DIMT1: variants seen among roughly 807,000 people sequenced by gnomAD.
DIMT1 encodes the protein DIM1 rRNA methyltransferase and ribosome maturation factor.
In DIMT1, 36 loss-of-function variants were observed where a neutral mutation model predicts 43.2. That is an observed-to-expected ratio of 0.83 (90% CI 0.64 to 1.10). The LOEUF (loss-of-function observed/expected upper bound fraction) is 1.10. Among genes scored for constraint, DIMT1 ranks in the 50% least tolerant of loss-of-function variants. The probability of loss-of-function intolerance (pLI) is 0.00; values close to 1 mark genes in which losing one functional copy is unlikely to be tolerated. For missense variants in DIMT1, 341 were observed against 385.3 expected (o/e 0.88, Z 0.96); for synonymous variants, 126 against 130.3 (o/e 0.97, Z 0.22).
intron 3 of DIMT1, among the ~76,000 whole-genome samples, chr5:62,399,118 T>G (rs1256429849): frequency 2.0e-5 from 3 of 151,160 alleles, no homozygotes; most frequent in Admixed American, 6.6e-5. Context: ...AATCATGAGG[T>G]CAGGAGTTAA....
chr5:62,399,001 C>A, intron 3 of DIMT1, 120 bp from the exon 4 acceptor site: 2 of 833,102 alleles, frequency 2.4e-6, no homozygotes, highest in Non-Finnish European at 3.8e-6. Context: ...TTTCTACCAT[C>A]AATATTCCTT....
intron 9 of DIMT1, 120 bp downstream of exon 9, chr5:62,392,806 A>C: frequency 1.8e-6 from 1 of 557,640 alleles, no homozygotes; most frequent in Non-Finnish European, 3.1e-6. Flanking sequence ...TTAAAAGGTG[A>C]AGTTTGTCTG....
At chr5:62,399,906 A>AAAACAAACAAAC (rs146632636) in intron 3 of DIMT1, among the ~76,000 whole-genome samples, 10 of 152,050 alleles carry the variant, frequency 6.6e-5, no homozygotes, top group African/African-American at 2.2e-4. Context: ...CTCCATCTCA[A>AAAACAAACAAAC]AAACAAACAA....
rs2112064094 is a variant in DIMT1 at position 62,403,890 on chromosome 5, G to C, written c.-118C>G. The C allele has an allele frequency of 5.4e-6, 6 of 1,104,520 alleles. No homozygotes were observed. The highest frequency in any genetic ancestry group is 6.4e-6 in the Non-Finnish European group (5 of 779,116). The allele number at this position is 1,104,520 out of a possible 1,614,324, so 68.4% of individuals were successfully genotyped here. ...CGCCGCCCGCACCACTCTGGCCCAA[G>C]CGCCGGAGGGGCAAGGGTCCGCCCC... On this transcript the variant is annotated 5_prime_UTR_variant, in exon 1 of 12. Transcript: ENST00000199320.
rs1461647431 is a variant in DIMT1, at chr5:62,403,289, TTAA to T, written c.134_136del (p.Ile45del). 3 of 1,613,742 alleles carry T rather than the reference TTAA, an allele frequency of 1.9e-6. No homozygotes were observed. Among genetic ancestry groups the T allele is most frequent in the East Asian group, 2.2e-5 (1 of 44,882 alleles). On this transcript the variant is annotated inframe_deletion, in exon 2 of 12. Coordinates refer to ENST00000199320, the MANE Select transcript of DIMT1 (RefSeq NM_014473.4). The stretch of plus-strand genomic sequence containing the variant: ...CACACCCACCTTATCGATAATGCTG[TTAA>T]TAATGAGAGGATTTTTCAAAATGTG...
chr5:62,396,384 C>T (rs777391314), intron 6 of DIMT1, among the ~76,000 whole-genome samples: 3 of 151,686 alleles, frequency 2.0e-5, no homozygotes, highest in African/African-American at 7.3e-5. Flanking sequence ...GGCACATGCC[C>T]GTAATCGCAG....
At chr5:62,400,052 C>T (rs558416462) in intron 3 of DIMT1, among the ~76,000 whole-genome samples, 5 of 152,246 alleles carry the variant, frequency 3.3e-5, no homozygotes, top group African/African-American at 1.2e-4. Flanking sequence ...AAATACACTA[C>T]ATGTCTCTGC....
In DIMT1 at chr5:62,390,914, G is replaced by A; in HGVS notation, c.861C>T (p.Asp287=). ...CTATGTCCATGGAACGGGCCCGTTT[G>A]TCACTAAAACCTGTGCTGGTTAGGA... ...QQILTSTGFS[D]KRARSMDIDD... Residue 287 remains aspartate, a synonymous_variant, in exon 11 of 12, where the codon GAC becomes GAT. Coordinates refer to ENST00000199320, the MANE Select transcript of DIMT1 (RefSeq NM_014473.4). 6.2e-7 allele frequency: 1 copy of A among 1,612,214 alleles called. No homozygotes were observed. Among genetic ancestry groups the A allele is most frequent in the Non-Finnish European group, 8.5e-7 (1 of 1,179,854 alleles).
rs1180814302 is a variant in DIMT1, at chr5:62,391,056, A to T, written c.793-74T>A. ...TCACCTTGACTCTTTTTTTTAGTTCAGTAAGTCATAAAATAGTCACCTTTA... is the reference window on the plus strand; with the variant it reads ...TCACCTTGACTCTTTTTTTTAGTTCTGTAAGTCATAAAATAGTCACCTTTA... On this transcript the variant is annotated intron_variant, in intron 10 of 11. Coordinates refer to ENST00000199320, the MANE Select transcript of DIMT1 (RefSeq NM_014473.4). 2.4e-6 allele frequency: 3 copies of T among 1,234,586 alleles called. No homozygotes were observed. The African/African-American group carries it at 4.5e-5, about 18-fold the overall frequency. The allele number at this position is 1,234,586 out of a possible 1,614,324, so 76.5% of individuals were successfully genotyped here. A position where few individuals can be genotyped will look rare whatever the true frequency, so the allele number is the denominator to read the frequency against.
At chr5:62,398,931 C>A (rs1211487081) in intron 3 of DIMT1, 50 bp from the exon 4 acceptor site, 6 of 1,376,662 alleles carry the variant, frequency 4.4e-6, no homozygotes, top group African/African-American at 1.5e-5. Context: ...GAATATAAAT[C>A]TTTTATTGTT....
At chr5:62,392,044 T>G (rs1561288700) in intron 10 of DIMT1, 127 bp downstream of exon 10, 3 of 1,569,574 alleles carry the variant, frequency 1.9e-6, no homozygotes, top group African/African-American at 1.4e-5. Context: ...TAGTTATACA[T>G]TATATATTGT....
At chr5:62,397,114 T>C (rs917546908) in intron 6 of DIMT1, among the ~76,000 whole-genome samples, 12 of 152,068 alleles carry the variant, frequency 7.9e-5, no homozygotes, top group African/African-American at 2.9e-4. Flanking sequence ...AATGCCCAGC[T>C]AATTTTTTTA....
Position 62,403,780 on chromosome 5 carries a change from G to C in DIMT1, c.-8C>G. On this transcript the variant is annotated 5_prime_UTR_variant, in exon 1 of 12. Coordinates refer to ENST00000199320, the MANE Select transcript of DIMT1 (RefSeq NM_014473.4). Reference sequence around the variant, plus strand: ...CGACTTGACCTTCGGCATCTCGGCAGAAAGCGGGCCCACAGGCCCGGGACG... The same window carrying C: ...CGACTTGACCTTCGGCATCTCGGCACAAAGCGGGCCCACAGGCCCGGGACG... 1 of 1,609,948 alleles carries C rather than the reference G, an allele frequency of 6.2e-7. No individual in the cohort carries two copies.
chr5:62,399,113 T>C (rs1742607129), intron 3 of DIMT1, among the ~76,000 whole-genome samples: 1 of 150,802 alleles, frequency 6.6e-6, no homozygotes, highest in Non-Finnish European at 1.5e-5. Flanking sequence ...GGGCGAATCA[T>C]GAGGTCAGGA....
At chr5:62,402,859 T>G (rs945371810) in intron 2 of DIMT1, among the ~76,000 whole-genome samples, 2 of 152,214 alleles carry the variant, frequency 1.3e-5, no homozygotes, top group African/African-American at 2.4e-5. Flanking sequence ...CCAAGCAATT[T>G]ATATGTGGTA....
In DIMT1 at chr5:62,396,139, G is replaced by GTTTTTTTTTT. The variant is rs758847833; in HGVS notation, c.447-1542_447-1533dup. ...GGGGAATTTAGCCATGTCACTGCAG[G>GTTTTTTTTTT]TTTTTTTTTTTTACATTATTAACTG... is the stretch of plus-strand genomic sequence containing the variant. On this transcript the variant is annotated intron_variant, in intron 6 of 11. Coordinates refer to ENST00000199320, the MANE Select transcript of DIMT1 (RefSeq NM_014473.4). Among the ~76,000 whole-genome samples, 107 of 116,734 alleles carry GTTTTTTTTTT rather than the reference G, an allele frequency of 9.2e-4. 9 individuals carry two copies. The highest frequency in any genetic ancestry group is 4.7e-3 in the Middle Eastern group (1 of 214). 76.6% of individuals were successfully genotyped at this position (116,734 alleles called of 152,430 possible).
Position 62,390,976 on chromosome 5 carries a change from G to A in DIMT1, c.799C>T (p.Pro267Ser). ...TTATCTGCTATGCTGAAATCTTCTG[G>A]TATTATCTATCAATATAAGATTCAG... ...IHCSVHNIII[P>S]EDFSIADKIQ... is the part of the protein sequence containing the mutation. Residue 267 changes from proline to serine, a missense_variant, in exon 11 of 12, where the codon CCA (proline) becomes TCA (serine). Physicochemically the swap from Pro to Ser is moderately conservative, Grantham distance 74. Coordinates refer to ENST00000199320, the MANE Select transcript of DIMT1 (RefSeq NM_014473.4). The A allele has an allele frequency of 9.9e-6, 16 of 1,612,108 alleles. No homozygotes were observed. The highest frequency in any genetic ancestry group is 1.3e-5 in the Non-Finnish European group (15 of 1,178,628).
At position 62,403,897 on chromosome 5, in the gene DIMT1, A is replaced by T; in HGVS notation, c.-125T>A. 1.0e-6 allele frequency: 1 copy of T among 1,002,490 alleles called. No homozygotes were observed. Among genetic ancestry groups the T allele is most frequent in the South Asian group, 1.6e-5 (1 of 61,806 alleles). 62.1% of individuals were successfully genotyped at this position (1,002,490 alleles called of 1,614,324 possible). A position where few individuals can be genotyped will look rare whatever the true frequency, so the allele number is the denominator to read the frequency against. ...CGCACCACTCTGGCCCAAGCGCCGG[A>T]GGGGCAAGGGTCCGCCCCCTCCCGT... On this transcript the variant is annotated 5_prime_UTR_variant, in exon 1 of 12. Coordinates refer to ENST00000199320, the MANE Select transcript of DIMT1 (RefSeq NM_014473.4).
Position 62,392,971 on chromosome 5 carries a change from C to T in DIMT1, c.683G>A (p.Arg228Lys), listed in dbSNP as rs778310826. The part of the protein sequence containing the change: ...INFQEWDGLV[R>K]ITFVRKNKTL... ...CTTGTTTTTCCTAACAAAGGTTATC[C>T]TTACTAGACCATCCCATTCCTGAAA... Residue 228 changes from arginine to lysine, a missense_variant, in exon 9 of 12, where the codon AGG (arginine) becomes AAG (lysine). Physicochemically the swap from Arg to Lys is conservative, Grantham distance 26. Transcript: ENST00000199320. 2.7e-5 allele frequency: 44 copies of T among 1,609,762 alleles called. No homozygotes were observed. Among genetic ancestry groups the T allele is most frequent in the Middle Eastern group, 1.6e-4 (1 of 6,072 alleles).
Sources: gnomAD v4.1 joint callset for allele counts (sites outside exome capture counted in the v4.1 genomes callset) on GRCh38, gnomAD v4.1.1 for gene constraint, MANE v1.5 for transcripts, NCBI Gene and HGNC (gene_info 2026-07-23, HGNC 2026-07-21) for gene names.